Variants in RERG observed in about 807,000 individuals in gnomAD.
RERG encodes the protein RAS like estrogen regulated growth inhibitor.
RERG carries 25 observed loss-of-function variants against 23.2 expected under a neutral mutation model. The observed-to-expected ratio is 1.08, with a 90% CI of 0.79 to 1.50. The LOEUF (loss-of-function observed/expected upper bound fraction) is 1.50. Ranked by LOEUF, RERG falls within the 40% of genes most tolerant of loss-of-function variation. The probability of loss-of-function intolerance (pLI) is 0.00; values close to 1 mark genes in which losing one functional copy is unlikely to be tolerated. For missense variants in RERG, 253 were observed against 250.1 expected (o/e 1.01, Z -0.08); for synonymous variants, 81 against 89.1 (o/e 0.91, Z 0.51).
chr12:15,149,980 T>C (rs1228247966), intron 2 of RERG, among the ~76,000 whole-genome samples: 3 of 152,154 alleles, frequency 2.0e-5, no homozygotes, highest in South Asian at 4.1e-4. Context: ...CTGAGATGAA[T>C]GCATTTGCAT....
intron 2 of RERG, among the ~76,000 whole-genome samples, chr12:15,132,174 G>T (rs1357345172): frequency 6.6e-6 from 1 of 152,096 alleles, no homozygotes; most frequent in African/African-American, 2.4e-5. Context: ...GGTAAGACTG[G>T]AAACAAAAGG....
At chr12:15,126,157 T>TATATATATATATATATATATATATATA in intron 2 of RERG, among the ~76,000 whole-genome samples, 1 of 55,460 alleles carries the variant, frequency 1.8e-5, no homozygotes, top group Non-Finnish European at 4.4e-5. Flanking sequence ...ATATATGTAT[T>TATATATATATATATATATATATATATA]TACACACATA....
intron 2 of RERG, among the ~76,000 whole-genome samples, chr12:15,136,946 T>C (rs1864153707): frequency 1.3e-5 from 2 of 152,012 alleles, no homozygotes; most frequent in Admixed American, 1.3e-4. Context: ...AGTTGAACTA[T>C]GTCCTTACTG....
chr12:15,129,902 T>C (rs1768163367), intron 2 of RERG, among the ~76,000 whole-genome samples: 2 of 152,126 alleles, frequency 1.3e-5, no homozygotes, highest in African/African-American at 4.8e-5. Context: ...GGACCATTCA[T>C]TGATTATAAA....
intron 2 of RERG, among the ~76,000 whole-genome samples, chr12:15,157,928 CATAA>C (rs1255116560): frequency 8.5e-5 from 13 of 152,068 alleles, no homozygotes; most frequent in African/African-American, 2.2e-4. Flanking sequence ...TCTCTCTATA[CATAA>C]ATATTTATGT....
intron 2 of RERG, among the ~76,000 whole-genome samples, chr12:15,187,283 A>G (rs957567277): frequency 7.2e-5 from 11 of 152,152 alleles, no homozygotes; most frequent in Non-Finnish European, 1.5e-4. Flanking sequence ...AGCAAAGCTT[A>G]AAATGTGCCC....
chr12:15,211,983 T>G (rs1269618250), intron 2 of RERG, among the ~76,000 whole-genome samples: 5 of 151,608 alleles, frequency 3.3e-5, no homozygotes, highest in Non-Finnish European at 5.9e-5. Context: ...AGGCTACTTC[T>G]TATATCTGTG....
In RERG at chr12:15,110,455, A is replaced by ATTTTTTTTTTT. The variant is rs1257915419; in HGVS notation, c.192+888_192+889insAAAAAAAAAAA. Reference sequence around the variant, plus strand: ...TTAGCTTTCTGTCATTCCAGTGGCCATTTTTTTCTTTTTTTTTTTTTTTTT... The same window carrying ATTTTTTTTTTT: ...TTAGCTTTCTGTCATTCCAGTGGCCATTTTTTTTTTTTTTTTTTCTTTTTTTTTTTTTTTTT... On this transcript the variant is annotated intron_variant, in intron 4 of 4. Coordinates refer to ENST00000256953, the MANE Select transcript of RERG (RefSeq NM_032918.3). Among the ~76,000 whole-genome samples the ATTTTTTTTTTT allele has an allele frequency of 1.0e-4, 6 of 59,334 alleles. 1 individual carries two copies. In the East Asian group the frequency reaches 3.0e-3, roughly 30 times the overall value. The allele number at this position is 59,334 out of a possible 152,430, so 38.9% of individuals were successfully genotyped here. A position where few individuals can be genotyped will look rare whatever the true frequency, so the allele number is the denominator to read the frequency against.
chr12:15,133,117 T>G (rs1275105718), intron 2 of RERG, among the ~76,000 whole-genome samples: 7 of 140,936 alleles, frequency 5.0e-5, no homozygotes, highest in African/African-American at 1.1e-4. Context: ...TTTACTATGG[T>G]TCACTCTTGG....
intron 2 of RERG, among the ~76,000 whole-genome samples, chr12:15,193,781 A>G (rs1006967730): frequency 6.6e-6 from 1 of 152,166 alleles, no homozygotes; most frequent in African/African-American, 2.4e-5. Flanking sequence ...ATGGAAAAAT[A>G]TTGTAAGTAA....
chr12:15,176,707 CA>C (rs35291870), intron 2 of RERG, among the ~76,000 whole-genome samples: 1 of 152,010 alleles, frequency 6.6e-6, no homozygotes, highest in Non-Finnish European at 1.5e-5. Context: ...TGAAAATACC[CA>C]AAAAAGCTAG....
intron 2 of RERG, among the ~76,000 whole-genome samples, chr12:15,203,483 C>G (rs1196647475): frequency 1.3e-5 from 2 of 151,550 alleles, no homozygotes; most frequent in Non-Finnish European, 3.0e-5. Context: ...TGTTGAAAAT[C>G]AAAGCTATTT....
At chr12:15,178,437 T>C (rs1217016604) in intron 2 of RERG, among the ~76,000 whole-genome samples, 1 of 152,194 alleles carries the variant, frequency 6.6e-6, no homozygotes, top group Non-Finnish European at 1.5e-5. Flanking sequence ...CAGTACACTA[T>C]CTAGGGAGAA....
At chr12:15,145,811 T>C (rs1390392594) in intron 2 of RERG, among the ~76,000 whole-genome samples, 1 of 152,256 alleles carries the variant, frequency 6.6e-6, no homozygotes, top group Non-Finnish European at 1.5e-5. Context: ...AGTTTTAGGC[T>C]GAATTCACGT....
intron 4 of RERG, among the ~76,000 whole-genome samples, chr12:15,110,477 T>TTTTTTTTTTC (rs1863590463): frequency 8.0e-6 from 1 of 125,758 alleles, no homozygotes; most frequent in Non-Finnish European, 1.7e-5. Flanking sequence ...TTTTTTTTTT[T>TTTTTTTTTTC]TTTTTTTTTT....
intron 2 of RERG, among the ~76,000 whole-genome samples, chr12:15,195,881 A>C (rs1053348759): frequency 2.0e-5 from 3 of 152,090 alleles, no homozygotes; most frequent in Non-Finnish European, 2.9e-5. Flanking sequence ...TGAATAACTT[A>C]AGGTGAAAAG....
chr12:15,190,795 A>G (rs1865059742), intron 2 of RERG, among the ~76,000 whole-genome samples: 1 of 152,020 alleles, frequency 6.6e-6, no homozygotes, highest in African/African-American at 2.4e-5. Context: ...TCTGAACAGA[A>G]CCCTTTATCA....
chr12:15,212,214 C>G (rs1314618154), intron 2 of RERG, among the ~76,000 whole-genome samples: 11 of 149,440 alleles, frequency 7.4e-5, no homozygotes, highest in African/African-American at 2.7e-4. Context: ...CGCCCGCCAC[C>G]GCGCCCGGCT....
chr12:15,109,760 A>C (rs184613671), intron 4 of RERG, among the ~76,000 whole-genome samples: 149 of 152,176 alleles, frequency 9.8e-4, no homozygotes, highest in Non-Finnish European at 1.7e-3. Context: ...TCTGCTTTTA[A>C]TTTTTTTCTT....
Sources: allele counts gnomAD v4.1 joint callset (sites outside exome capture counted in the v4.1 genomes callset), GRCh38; gene constraint gnomAD v4.1.1; transcripts MANE v1.5; gene names NCBI Gene and HGNC (gene_info 2026-07-23, HGNC 2026-07-21).